The following PPP1R9A variants were observed in gnomAD, a reference collection of about 807,000 sequenced individuals.
PPP1R9A encodes neurabin-1.
PPP1R9A carries 59 observed loss-of-function variants against 141.9 expected under a neutral mutation model. The ratio of observed to expected loss-of-function variants is 0.42; its 90% CI spans 0.34 to 0.52. The LOEUF is 0.52. Ranked by LOEUF, PPP1R9A falls within the 20% of genes least tolerant of loss-of-function variation. PPP1R9A has a pLI of 0.10. For missense variants in PPP1R9A, 1,444 were observed against 1,611.9 expected (o/e 0.90, Z 1.78); for synonymous variants, 500 against 569.7 (o/e 0.88, Z 1.74).
At position 94,987,768 on chromosome 7, in the gene PPP1R9A, CAT is replaced by C. The variant is rs1167812279; in HGVS notation, c.1395+76261_1395+76262del. Among the ~76,000 whole-genome samples the C allele has an allele frequency of 7.9e-5, 12 of 152,020 alleles. No homozygotes were observed. In the South Asian group the frequency reaches 1.2e-3, roughly 16 times the overall value. On this transcript the variant is annotated intron_variant, in intron 2 of 19. Transcript: ENST00000433360. ...AAAAGATGTTCTCTTCTTTTGAAAA[CAT>C]GTTTAGAATAGTTGTTAGCTTATTT...
chr7:95,054,266 C>T (rs1811209652), intron 2 of PPP1R9A, among the ~76,000 whole-genome samples: 1 of 151,112 alleles, frequency 6.6e-6, no homozygotes, highest in South Asian at 2.1e-4. Flanking sequence ...CAGGCGCCCA[C>T]CACCACGCCC....
At chr7:94,916,954 A>G (rs577020246) in intron 2 of PPP1R9A, among the ~76,000 whole-genome samples, 1 of 152,214 alleles carries the variant, frequency 6.6e-6, no homozygotes, top group East Asian at 1.9e-4. Flanking sequence ...AGCTGGGACA[A>G]CAGGCATGCA....
chr7:95,084,501 T>G (rs1465424223), intron 2 of PPP1R9A, among the ~76,000 whole-genome samples: 6 of 151,996 alleles, frequency 3.9e-5, no homozygotes, highest in Non-Finnish European at 1.5e-5. Flanking sequence ...TTGCTTTGTA[T>G]TTTTCTATTT....
At chr7:95,154,337 C>T (rs1053504401) in intron 4 of PPP1R9A, among the ~76,000 whole-genome samples, 3 of 151,876 alleles carry the variant, frequency 2.0e-5, no homozygotes, top group African/African-American at 4.8e-5. Context: ...AAAAGTTTCT[C>T]TTGTTACTGG....
At chr7:95,111,172 C>A in intron 2 of PPP1R9A, 87 bp from the exon 3 acceptor site, 1 of 1,320,142 alleles carries the variant, frequency 7.6e-7, no homozygotes, top group Non-Finnish European at 1.0e-6. Flanking sequence ...AAATTCATCA[C>A]ATGAATGTTT....
In PPP1R9A at chr7:95,072,752, A is replaced by G. The variant is rs1224482873; in HGVS notation, c.1396-38507A>G. Among the ~76,000 whole-genome samples the G allele has an allele frequency of 1.5e-3, 161 of 106,764 alleles. 3 individuals are homozygous for G. The highest frequency in any genetic ancestry group is 6.1e-3 in the African/African-American group (158 of 26,002). The allele number at this position is 106,764 out of a possible 152,430, so 70.0% of individuals were successfully genotyped here. A position where few individuals can be genotyped will look rare whatever the true frequency, so the allele number is the denominator to read the frequency against. On this transcript the variant is annotated intron_variant, in intron 2 of 19. Coordinates refer to ENST00000433360, the MANE Select transcript of PPP1R9A (RefSeq NM_001166160.2). The stretch of plus-strand genomic sequence containing the variant: ...TATTACATATAATATAATATATAAT[A>G]TTATATTAAATATATATATTAAATA...
At chr7:95,223,958 T>C (rs1022963567) in intron 7 of PPP1R9A, among the ~76,000 whole-genome samples, 1 of 151,902 alleles carries the variant, frequency 6.6e-6, no homozygotes, top group Non-Finnish European at 1.5e-5. Flanking sequence ...TTGTTGGTTC[T>C]AGAAATGGGT....
rs1826948670 is a variant in PPP1R9A, at chr7:95,142,846, G to T, written c.1650-19021G>T. Among the ~76,000 whole-genome samples the T allele has an allele frequency of 2.6e-5, 4 of 151,820 alleles. No homozygotes were observed. The South Asian group carries it at 8.3e-4, about 31-fold the overall frequency. On this transcript the variant is annotated intron_variant, in intron 4 of 19. Transcript: ENST00000433360. ...GTGATACATGTAAAGAGACAAAGCT[G>T]AATTATTATGTCTTCAGTATGCATT...
chr7:95,285,619 T>C (rs1332094632), intron 17 of PPP1R9A, among the ~76,000 whole-genome samples: 2 of 152,236 alleles, frequency 1.3e-5, no homozygotes, highest in Non-Finnish European at 2.9e-5. Flanking sequence ...TCTCTGATGC[T>C]CTGCGGGTGC....
chr7:95,234,401 G>A (rs1433812743), intron 8 of PPP1R9A, among the ~76,000 whole-genome samples: 4 of 151,924 alleles, frequency 2.6e-5, no homozygotes, highest in African/African-American at 4.8e-5. Context: ...GCTGAGAATC[G>A]AATCAAGAAC....
At chr7:95,135,451 G>T (rs1825469970) in intron 4 of PPP1R9A, among the ~76,000 whole-genome samples, 1 of 151,906 alleles carries the variant, frequency 6.6e-6, no homozygotes, top group Non-Finnish European at 1.5e-5. Flanking sequence ...TTATTTCATT[G>T]CATTTTATCA....
Position 95,290,202 on chromosome 7 carries a change from A to G in PPP1R9A, c.4024A>G (p.Arg1342Gly), listed in dbSNP as rs574633292. The G allele has an allele frequency of 4.3e-6, 7 of 1,613,878 alleles. No homozygotes were observed. Among genetic ancestry groups the G allele is most frequent in the Middle Eastern group, 3.3e-4 (2 of 6,062 alleles). ...GGCCCAAGAGAAAATGGAAAAACAA[A>G]GAGAAAAGCTAAGGAGAAAGGAGCA... ...RKAQEKMEKQ[R>G]EKLRRKEQEQ... The change falls in exon 20 of 20, where the codon AGA becomes GGA. Residue 1342 changes from arginine (R) to glycine (G), a missense_variant. By Grantham distance (125) the Arg-to-Gly change is moderately radical. Transcript: ENST00000433360.
intron 4 of PPP1R9A, among the ~76,000 whole-genome samples, chr7:95,149,867 A>G (rs537859989): frequency 6.6e-6 from 1 of 152,038 alleles, no homozygotes; most frequent in East Asian, 1.9e-4. Context: ...TAAAGTTTAT[A>G]TGGAAAGACA....
At chr7:95,071,615 C>G (rs570311698) in intron 2 of PPP1R9A, among the ~76,000 whole-genome samples, 2 of 151,634 alleles carry the variant, frequency 1.3e-5, no homozygotes, top group South Asian at 4.2e-4. Context: ...TGTTAGCTAT[C>G]TGGGGTCATT....
In PPP1R9A at chr7:95,044,217, C is replaced by T. The variant is rs373882303; in HGVS notation, c.1396-67042C>T. Among the ~76,000 whole-genome samples the T allele has an allele frequency of 3.5e-4, 54 of 152,340 alleles. 1 individual carries two copies. In the South Asian group the frequency reaches 0.011, roughly 31 times the overall value. On this transcript the variant is annotated intron_variant, in intron 2 of 19. Coordinates refer to ENST00000433360, the MANE Select transcript of PPP1R9A (RefSeq NM_001166160.2). Reference sequence around the variant, plus strand: ...CTCTTGCCTCAGATCTTGAAAGCCACACTTTATCCATCATTCTCACCTATT... The same window carrying T: ...CTCTTGCCTCAGATCTTGAAAGCCATACTTTATCCATCATTCTCACCTATT...
chr7:95,154,288 A>T (rs1310971547), intron 4 of PPP1R9A, among the ~76,000 whole-genome samples: 2 of 151,912 alleles, frequency 1.3e-5, no homozygotes, highest in African/African-American at 4.8e-5. Flanking sequence ...TTTGTTCAGG[A>T]GCATAGTTTT....
intron 16 of PPP1R9A, among the ~76,000 whole-genome samples, chr7:95,281,504 T>A (rs1202197845): frequency 4.6e-5 from 7 of 152,208 alleles, no homozygotes. Flanking sequence ...CAGTGCTGGA[T>A]GCACAGGTCC....
At position 95,279,224 on chromosome 7, in the gene PPP1R9A, A is replaced by T. The variant is rs1039165383; in HGVS notation, c.3297-4794A>T. 2.0e-5 allele frequency among the ~76,000 whole-genome samples: 3 copies of T among 152,294 alleles called. No individual in the cohort carries two copies. In the East Asian group the frequency reaches 5.8e-4, roughly 29 times the overall value. On this transcript the variant is annotated intron_variant, in intron 16 of 19. Coordinates refer to ENST00000433360, the MANE Select transcript of PPP1R9A (RefSeq NM_001166160.2). ...GGCTTTAGATAAATCATGGCATGACAGTGAGTTTGAAATTATATCCTATGA... is the reference window on the plus strand; with the variant it reads ...GGCTTTAGATAAATCATGGCATGACTGTGAGTTTGAAATTATATCCTATGA...
At chr7:95,099,976 T>C (rs1422445486) in intron 2 of PPP1R9A, among the ~76,000 whole-genome samples, 1 of 152,166 alleles carries the variant, frequency 6.6e-6, no homozygotes, top group East Asian at 1.9e-4. Flanking sequence ...CTTGAAATAT[T>C]ATTTCACTAA....
Sources: gnomAD v4.1 joint callset for allele counts (sites outside exome capture counted in the v4.1 genomes callset) on GRCh38, gnomAD v4.1.1 for gene constraint, MANE v1.5 for transcripts, NCBI Gene and HGNC (gene_info 2026-07-23, HGNC 2026-07-21) for gene names.